The following DSCAML1 variants were observed in gnomAD, a reference collection of about 807,000 sequenced individuals.
DSCAML1 encodes cell adhesion molecule DSCAML1.
A neutral mutation model predicts 200.5 loss-of-function variants in DSCAML1; 38 were observed. The ratio of observed to expected loss-of-function variants is 0.19; its 90% CI spans 0.15 to 0.25. The LOEUF is 0.25. Among genes scored for constraint, DSCAML1 ranks in the 10% least tolerant of loss-of-function variants. The probability of loss-of-function intolerance (pLI) is 1.00; values close to 1 mark genes in which losing one functional copy is unlikely to be tolerated. For synonymous variants in DSCAML1, 1,215 were observed against 1,165.0 expected, an observed-to-expected ratio of 1.04 and a Z score of -0.87; for missense variants, 2,223 against 2,858.8, an observed-to-expected ratio of 0.78 and a Z score of 5.07.
intron 21 of DSCAML1, among the ~76,000 whole-genome samples, chr11:117,443,246 C>T (rs924328175): frequency 2.0e-5 from 3 of 152,134 alleles, no homozygotes; most frequent in Admixed American, 6.5e-5. Context: ...TCTACCTGCG[C>T]GGCTGCTACA....
intron 3 of DSCAML1, among the ~76,000 whole-genome samples, chr11:117,542,346 AC>A (rs1436869115): frequency 8.6e-5 from 13 of 151,668 alleles, no homozygotes; most frequent in African/African-American, 3.2e-4. Flanking sequence ...AACAACAACA[AC>A]AACAACAAAA....
intron 1 of DSCAML1, among the ~76,000 whole-genome samples, chr11:117,810,455 G>A (rs879887648): frequency 1.0e-4 from 15 of 150,708 alleles, no homozygotes; most frequent in Non-Finnish European, 1.2e-4. Context: ...CCTTATTTCC[G>A]TGCCCCAACC....
chr11:117,623,324 C>G (rs1246085968), intron 3 of DSCAML1, among the ~76,000 whole-genome samples: 2 of 143,734 alleles, frequency 1.4e-5, no homozygotes, highest in Admixed American at 7.6e-5. Flanking sequence ...TCAAGTGATT[C>G]TCCTGTCTCA....
chr11:117,670,215 G>C (rs1345812034), intron 3 of DSCAML1, among the ~76,000 whole-genome samples: 2 of 152,094 alleles, frequency 1.3e-5, no homozygotes, highest in Non-Finnish European at 2.9e-5. Context: ...CTGGAGAGGA[G>C]CGGTGGCTGG....
At chr11:117,552,692 A>G (rs993618882) in intron 3 of DSCAML1, among the ~76,000 whole-genome samples, 3 of 152,232 alleles carry the variant, frequency 2.0e-5, no homozygotes, top group African/African-American at 7.2e-5. Flanking sequence ...GATTGCTATC[A>G]TCGTTTTGAG....
At chr11:117,548,272 C>T (rs1361214723) in intron 3 of DSCAML1, among the ~76,000 whole-genome samples, 1 of 152,218 alleles carries the variant, frequency 6.6e-6, no homozygotes, top group Non-Finnish European at 1.5e-5. Context: ...TCCCCTCTAA[C>T]AGTCAAGGAA....
At chr11:117,734,689 G>T (rs927491718) in intron 3 of DSCAML1, among the ~76,000 whole-genome samples, 1 of 152,202 alleles carries the variant, frequency 6.6e-6, no homozygotes, top group Non-Finnish European at 1.5e-5. Context: ...CTCCAGAGGG[G>T]GCAGGGACTA....
At position 117,780,231 on chromosome 11, in the gene DSCAML1, G is replaced by GGAAAGAAAGAAAGAAAGAAAGAAA. The variant is rs762329735; in HGVS notation, c.364+238_364+261dup. 4.9e-5 allele frequency among the ~76,000 whole-genome samples: 3 copies of GGAAAGAAAGAAAGAAAGAAAGAAA among 60,708 alleles called. No individual in the cohort carries two copies. Among genetic ancestry groups the GGAAAGAAAGAAAGAAAGAAAGAAA allele is most frequent in the Non-Finnish European group, 6.7e-5 (2 of 29,882 alleles). The allele number at this position is 60,708 out of a possible 152,430, so 39.8% of individuals were successfully genotyped here. A position where few individuals can be genotyped will look rare whatever the true frequency, so the allele number is the denominator to read the frequency against. ...AAAGAGAGAGAGAGAAAGAAAGAAAGGAAAGAAAGAAAGAAAGAAAGAAAG... is the reference window on the plus strand; with the variant it reads ...AAAGAGAGAGAGAGAAAGAAAGAAAGGAAAGAAAGAAAGAAAGAAAGAAAGAAAGAAAGAAAGAAAGAAAGAAAG... On this transcript the variant is annotated intron_variant, in intron 2 of 32. Transcript: ENST00000651296. This position sits in a 1 kb window ranked among gnomAD's most constrained non-coding sequence, Gnocchi z 4.8.
At chr11:117,726,266 C>CGT (rs112110901) in intron 3 of DSCAML1, among the ~76,000 whole-genome samples, 16,750 of 145,748 alleles carry the variant, frequency 0.11, 2,094 homozygotes, top group African/African-American at 0.32. Context: ...TGTGTGTGTG[C>CGT]GTGTGTGTGT....
intron 3 of DSCAML1, among the ~76,000 whole-genome samples, chr11:117,676,424 C>T (rs956031923): frequency 2.0e-5 from 3 of 152,178 alleles, no homozygotes; most frequent in Admixed American, 6.5e-5. Flanking sequence ...GTGGGGCATG[C>T]GAGTGAGGTC....
chr11:117,498,345 G>A lies in DSCAML1; in HGVS notation c.2359+5500C>T, dbSNP rs1040604771. Among the ~76,000 whole-genome samples the A allele has an allele frequency of 9.9e-5, 15 of 152,150 alleles. No individual in the cohort carries two copies. The highest frequency in any genetic ancestry group is 3.3e-4 in the Admixed American group (5 of 15,274). ...GCCGTCCCTCAGCTCTAGGGGTCAC[G>A]GCGGTGGCAGGGCCCATCCGTGGGA... On this transcript the variant is annotated intron_variant, in intron 11 of 32. Transcript: ENST00000651296. The surrounding 1 kb of genome is among the most constrained non-coding windows in gnomAD (Gnocchi z 4.0).
upstream of DSCAML1, among the ~76,000 whole-genome samples, chr11:117,800,213 T>C (rs1177374718): frequency 3.3e-5 from 5 of 152,196 alleles, no homozygotes; most frequent in South Asian, 2.1e-4. Context: ...AGGAGTTGTA[T>C]TGGGGTGGGC....
chr11:117,493,171 C>T (rs2049220440), intron 11 of DSCAML1, among the ~76,000 whole-genome samples: 1 of 152,124 alleles, frequency 6.6e-6, no homozygotes, highest in East Asian at 1.9e-4. Flanking sequence ...AGTTGAGGCC[C>T]TCAAACTCGC....
chr11:117,789,711 G>C (rs2055425129), intron 1 of DSCAML1, among the ~76,000 whole-genome samples: 1 of 152,178 alleles, frequency 6.6e-6, no homozygotes, highest in Admixed American at 6.5e-5. Flanking sequence ...CACAGTCGCA[G>C]GGCTGTCAAG....
intron 3 of DSCAML1, among the ~76,000 whole-genome samples, chr11:117,654,351 G>C (rs1331098022): frequency 6.6e-6 from 1 of 152,172 alleles, no homozygotes; most frequent in African/African-American, 2.4e-5. Flanking sequence ...TATGGTATAA[G>C]AATTCTATCT....
At chr11:117,725,560 G>A (rs1231377148) in intron 3 of DSCAML1, among the ~76,000 whole-genome samples, 2 of 152,098 alleles carry the variant, frequency 1.3e-5, no homozygotes, top group Admixed American at 6.5e-5. Context: ...CTCCCTGTCC[G>A]ATCCGCACTG....
Position 117,636,908 on chromosome 11 carries a change from T to G in DSCAML1, c.512-104386A>C, listed in dbSNP as rs560277551. 5.3e-5 allele frequency among the ~76,000 whole-genome samples: 8 copies of G among 152,258 alleles called. No individual in the cohort carries two copies. The South Asian group carries it at 1.7e-3, about 32-fold the overall frequency. On this transcript the variant is annotated intron_variant, in intron 3 of 32. Transcript: ENST00000651296. Reference sequence around the variant, plus strand: ...ATTATTGTTATTATTAATATTATTATTTAGTAGACAAGATAGAGGAACTAC... The same window carrying G: ...ATTATTGTTATTATTAATATTATTAGTTAGTAGACAAGATAGAGGAACTAC...
At chr11:117,484,770 G>A (rs1011678619) in intron 11 of DSCAML1, among the ~76,000 whole-genome samples, 1 of 152,324 alleles carries the variant, frequency 6.6e-6, no homozygotes, top group Non-Finnish European at 1.5e-5. Context: ...TGTCGGGGAG[G>A]CTCGTAAGCG....
rs1312090587 is a variant in DSCAML1 at position 117,545,225 on chromosome 11, G to T, written c.512-12703C>A. On this transcript the variant is annotated intron_variant, in intron 3 of 32. Transcript: ENST00000651296. Reference sequence around the variant, plus strand: ...AGCCTGGGCGACAGAGCAAGATTCCGTAAAAAAAAACACACACACACACAC... The same window carrying T: ...AGCCTGGGCGACAGAGCAAGATTCCTTAAAAAAAAACACACACACACACAC... Among the ~76,000 whole-genome samples, 7 of 121,726 alleles carry T rather than the reference G, an allele frequency of 5.8e-5. 1 individual carries two copies. The highest frequency in any genetic ancestry group is 1.7e-4 in the African/African-American group (5 of 28,898). The allele number at this position is 121,726 out of a possible 152,430, so 79.9% of individuals were successfully genotyped here.
Sources: allele counts gnomAD v4.1 joint callset (sites outside exome capture counted in the v4.1 genomes callset), GRCh38; gene constraint gnomAD v4.1.1; non-coding constraint Gnocchi (gnomAD v3.1); transcripts MANE v1.5; gene names NCBI Gene and HGNC (gene_info 2026-07-23, HGNC 2026-07-21).